PSD4: variants seen among roughly 807,000 people sequenced by gnomAD.
PSD4 encodes pleckstrin and Sec7 domain containing 4, also known as PH and SEC7 domain-containing protein 4.
A neutral mutation model predicts 112.5 loss-of-function variants in PSD4; 59 were observed. The observed-to-expected ratio is 0.52, with a 90% confidence interval of 0.43 to 0.65. PSD4 has a LOEUF of 0.65. Among genes scored for constraint, PSD4 ranks in the 30% least tolerant of loss-of-function variants. The probability of loss-of-function intolerance (pLI) is 0.00; values close to 1 mark genes in which losing one functional copy is unlikely to be tolerated. For missense variants in PSD4, 1,267 were observed against 1,352.6 expected, an observed-to-expected ratio of 0.94 and a Z score of 0.99; for synonymous variants, 533 against 540.0, an observed-to-expected ratio of 0.99 and a Z score of 0.18.
rs1295089406 is a variant in PSD4, at chr2:113,196,025, TG to T, written c.2226-116del. 2.1e-5 allele frequency: 27 copies of T among 1,278,378 alleles called. No individual in the cohort carries two copies. The East Asian group carries it at 5.2e-4, about 25-fold the overall frequency. The allele number at this position is 1,278,378 out of a possible 1,614,324, so 79.2% of individuals were successfully genotyped here. ...GTTCACTGTGAAGGAGGACTCCTTG[TG>T]GGGGGTCCTGGGGTGTGGCTTCCCA... On this transcript the variant is annotated intron_variant, in intron 11 of 16. Transcript: ENST00000245796.
In PSD4 at chr2:113,202,728, G is replaced by A. The variant is rs9098; in HGVS notation, c.*1313G>A. The A allele has an allele frequency of 0.049, 7,477 of 152,730 alleles. 285 individuals carry two copies. Among genetic ancestry groups the A allele is most frequent in the Non-Finnish European group, 0.073 (4,984 of 68,348 alleles). The allele number at this position is 152,730 out of a possible 1,614,324, so 9.5% of individuals were successfully genotyped here. A position where few individuals can be genotyped will look rare whatever the true frequency, so the allele number is the denominator to read the frequency against. ...CTCTGCTACCCGCTGCTGCCTGCCG[G>A]CTGACACACTGCCTCCCCAGCCTTC... On this transcript the variant is annotated 3_prime_UTR_variant, in exon 17 of 17. Coordinates refer to ENST00000245796, the MANE Select transcript of PSD4 (RefSeq NM_012455.3).
chr2:113,198,977 G>T (rs1688695399), intron 15 of PSD4, 93 bp downstream of exon 15: 1 of 1,527,364 alleles, frequency 6.5e-7, no homozygotes, highest in Admixed American at 2.0e-5. Context: ...GGCGGGCTGC[G>T]CACTTGGCCT....
intron 10 of PSD4, among the ~76,000 whole-genome samples, chr2:113,195,190 CT>C (rs1688565367): frequency 6.7e-6 from 1 of 149,106 alleles, no homozygotes; most frequent in Admixed American, 6.8e-5. Flanking sequence ...GAGATGGAGT[CT>C]CATCCTGCAC....
In PSD4 at chr2:113,201,594, A is replaced by C; in HGVS notation, c.*179A>C. 1.1e-6 allele frequency: 1 copy of C among 888,922 alleles called. No individual in the cohort carries two copies. Among genetic ancestry groups the C allele is most frequent in the Non-Finnish European group, 1.7e-6 (1 of 598,008 alleles). The allele number at this position is 888,922 out of a possible 1,614,324, so 55.1% of individuals were successfully genotyped here. ...TCTTGTGCTCCCTGAAGCTTTCCTA[A>C]TATTGCTGTGCTCCCCACCACCCCC... On this transcript the variant is annotated 3_prime_UTR_variant, in exon 17 of 17. Transcript: ENST00000245796.
intron 4 of PSD4, 91 bp from the exon 5 acceptor site, chr2:113,185,786 G>T: frequency 6.4e-7 from 1 of 1,552,008 alleles, no homozygotes; most frequent in South Asian, 1.2e-5. Context: ...CTCCAGGGGA[G>T]GAGCCCCAGG....
chr2:113,174,940 C>A (rs76456848), intron 1 of PSD4, among the ~76,000 whole-genome samples: 1 of 152,176 alleles, frequency 6.6e-6, no homozygotes, highest in Non-Finnish European at 1.5e-5. Flanking sequence ...GTTCATTGGA[C>A]CTTGGACCAG....
intron 10 of PSD4, among the ~76,000 whole-genome samples, chr2:113,194,437 G>A (rs576167279): frequency 5.1e-4 from 77 of 152,330 alleles, no homozygotes; most frequent in African/African-American, 1.7e-3. Context: ...TGCTCAGCAC[G>A]GTGCTTGGCA....
At chr2:113,186,640 A>G (rs951703053) in intron 5 of PSD4, among the ~76,000 whole-genome samples, 1 of 152,148 alleles carries the variant, frequency 6.6e-6, no homozygotes, top group African/African-American at 2.4e-5. Flanking sequence ...CAGAGCTTGT[A>G]ATGTGGGGAT....
intron 5 of PSD4, among the ~76,000 whole-genome samples, chr2:113,189,023 C>T (rs1260777453): frequency 2.6e-5 from 4 of 152,308 alleles, no homozygotes; most frequent in Admixed American, 2.6e-4. Flanking sequence ...GCAGTATACA[C>T]TGCACCCTAT....
chr2:113,195,745 C>A lies in PSD4; in HGVS notation c.2200C>A (p.Arg734Ser). Reference sequence around the variant, plus strand: ...GTTCCAGGCCCTCTACTGGTCTATCCGCAGCGAGAAGCTCGAGTGGGCCGT... The same window carrying A: ...GTTCCAGGCCCTCTACTGGTCTATCAGCAGCGAGAAGCTCGAGTGGGCCGT... ...ELLKALYWSIRSEKLEWAVDE... is the reference protein window; with the variant it reads ...ELLKALYWSISSEKLEWAVDE... Residue 734 changes from arginine to serine, a missense_variant, in exon 11 of 17, where the codon CGC (arginine) becomes AGC (serine). Transcript: ENST00000245796. 2.5e-6 allele frequency: 4 copies of A among 1,614,186 alleles called. No homozygotes were observed. Among genetic ancestry groups the A allele is most frequent in the Non-Finnish European group, 3.4e-6 (4 of 1,180,034 alleles).
chr2:113,202,625 G>C lies in PSD4; in HGVS notation c.*1210G>C, dbSNP rs1420107995. On this transcript the variant is annotated 3_prime_UTR_variant, in exon 17 of 17. Transcript: ENST00000245796. ...GACTTGGGGCTCTGCCTGTAGGAAG[G>C]AGGCTGGGCCGGAGGGACCAGCCAC... 1 of 152,310 alleles carries C rather than the reference G, an allele frequency of 6.6e-6. No individual in the cohort carries two copies. The highest frequency in any genetic ancestry group is 2.1e-4 in the South Asian group (1 of 4,836). 9.4% of individuals were successfully genotyped at this position (152,310 alleles called of 1,614,324 possible). A position where few individuals can be genotyped will look rare whatever the true frequency, so the allele number is the denominator to read the frequency against.
At chr2:113,187,696 C>T (rs1688337483) in intron 5 of PSD4, among the ~76,000 whole-genome samples, 1 of 152,206 alleles carries the variant, frequency 6.6e-6, no homozygotes, top group Non-Finnish European at 1.5e-5. Context: ...TTTAAGCATT[C>T]ATTATCCAAG....
chr2:113,182,277 CA>C, intron 1 of PSD4, 68 bp from the exon 2 acceptor site: 1 of 617,158 alleles, frequency 1.6e-6, no homozygotes, highest in South Asian at 2.0e-5. Context: ...ACACATCTAA[CA>C]CACTACACAC....
rs772542541 is a variant in PSD4 at position 113,183,265 on chromosome 2, C to T, written c.809C>T (p.Ala270Val). 2.5e-6 allele frequency: 4 copies of T among 1,613,982 alleles called. No homozygotes were observed. In the East Asian group the frequency reaches 8.9e-5, roughly 36 times the overall value. The change falls in exon 2 of 17, where the codon GCT becomes GTT. Residue 270 changes from alanine (A) to valine (V), a missense_variant. By Grantham distance (64) the Ala-to-Val change is moderately conservative (BLOSUM62 0). This residue lies in a region of PSD4 where 723 missense variants were observed against 704.0 expected (regional missense o/e 1.03). Coordinates refer to ENST00000245796, the MANE Select transcript of PSD4 (RefSeq NM_012455.3). ...TCTGGAGAGTGCTTTTCCTGGGGGG[C>T]TTCAGACTCCCATGCAGGTGTGAGG... ...SASGECFSWG[A>V]SDSHAGVRTG...
rs1688769076 is a variant in PSD4, at chr2:113,201,212, T to G, written c.2968T>G (p.Ser990Ala). The G allele has an allele frequency of 1.2e-6, 2 of 1,614,064 alleles. No homozygotes were observed. The highest frequency in any genetic ancestry group is 2.7e-5 in the African/African-American group (2 of 75,042). The change falls in exon 17 of 17, where the codon TCT (serine) becomes GCT (alanine). Residue 990 changes from serine to alanine, a missense_variant. Physicochemically the swap from Ser to Ala is moderately conservative, Grantham distance 99 (BLOSUM62 1). Transcript: ENST00000245796. ...QLLVARLHCP[S>A]DALDLWEEQL... is the part of the protein sequence containing the mutation. ...GCTGGTGGCCCGCCTGCACTGCCCC[T>G]CTGATGCTCTGGACCTGTGGGAGGA...
chr2:113,201,300 C>T lies in PSD4; in HGVS notation c.3056C>T (p.Ser1019Leu), dbSNP rs751843072. The change falls in exon 17 of 17, where the codon TCG becomes TTG. Residue 1019 changes from serine to leucine, a missense_variant. This residue lies in a region of PSD4 where 544 missense variants were observed against 648.6 expected (regional missense o/e 0.84). Transcript: ENST00000245796. ...AAGCTCAGCCTGAAGAAGTCCCACT[C>T]GAGCCCGTCCCTGCACCAGGATGAG... ...EPKLSLKKSH[S>L]SPSLHQDEAP... The T allele has an allele frequency of 1.2e-6, 2 of 1,614,062 alleles. No individual in the cohort carries two copies. The highest frequency in any genetic ancestry group is 2.2e-5 in the East Asian group (1 of 44,892).
chr2:113,179,107 G>A (rs189593456), intron 1 of PSD4, among the ~76,000 whole-genome samples: 5 of 152,248 alleles, frequency 3.3e-5, no homozygotes, highest in Admixed American at 6.5e-5. Flanking sequence ...GCTCACACTC[G>A]GTTGCTCTCC....
intron 4 of PSD4, 60 bp downstream of exon 4, chr2:113,185,500 G>A (rs1312973629): frequency 3.1e-6 from 5 of 1,613,166 alleles, no homozygotes; most frequent in East Asian, 4.5e-5. Context: ...AATTTGGAGT[G>A]GGGACAAAGA....
intron 14 of PSD4, 61 bp from the exon 15 acceptor site, chr2:113,198,679 G>A (rs898047059): frequency 1.7e-5 from 25 of 1,485,056 alleles, no homozygotes; most frequent in Non-Finnish European, 2.1e-5. Flanking sequence ...AGGAGGGGGC[G>A]GGAGGAGGGT....
Sources: gnomAD v4.1 joint callset for allele counts (sites outside exome capture counted in the v4.1 genomes callset) on GRCh38, gnomAD v4.1.1 for gene constraint, gnomAD v4.1.1 regional missense constraint, MANE v1.5 for transcripts, NCBI Gene and HGNC (gene_info 2026-07-23, HGNC 2026-07-21) for gene names.